Variants in NEDD9 observed in about 807,000 individuals in gnomAD.
NEDD9 encodes enhancer of filamentation 1.
NEDD9 carries 26 observed loss-of-function variants against 76.6 expected under a neutral mutation model. The ratio of observed to expected loss-of-function variants is 0.34; its 90% CI spans 0.25 to 0.47. The LOEUF (loss-of-function observed/expected upper bound fraction) is 0.47, where lower values mean the gene tolerates loss of function less well. Ranked by LOEUF, NEDD9 falls within the 20% of genes least tolerant of loss-of-function variation. The pLI is 1.00. For synonymous variants in NEDD9, 392 were observed against 414.2 expected (o/e 0.95, Z 0.65); for missense variants, 937 against 1,058.5 (o/e 0.89, Z 1.59).
chr6:11,374,494 AT>A (rs747105549), intron 1 of NEDD9, among the ~76,000 whole-genome samples: 6 of 152,198 alleles, frequency 3.9e-5, no homozygotes, highest in South Asian at 2.1e-4. Context: ...CTTCCTCTAA[AT>A]ATTTCCACTC....
At chr6:11,200,731 A>G (rs1238134273) in intron 2 of NEDD9, 74 of 1,351,948 alleles carry the variant, frequency 5.5e-5, no homozygotes, top group Non-Finnish European at 6.6e-5. Context: ...GCAAATGGTA[A>G]GAGACAGTGG....
At position 11,289,961 on chromosome 6, in the gene NEDD9, A is replaced by G. The variant is rs1467500152; in HGVS notation, c.12+16031T>C. On this transcript the variant is annotated intron_variant, in intron 3 of 3. Transcript: ENST00000397378. ...CAGGCAAAAAATCCTATAGATATATAACCTCTGTAATGGTAAAGTCAGAGT... is the reference window on the plus strand; with the variant it reads ...CAGGCAAAAAATCCTATAGATATATGACCTCTGTAATGGTAAAGTCAGAGT... 2.0e-5 allele frequency among the ~76,000 whole-genome samples: 3 copies of G among 152,234 alleles called. 1 individual carries two copies. Among genetic ancestry groups the G allele is most frequent in the African/African-American group, 7.2e-5 (3 of 41,456 alleles).
chr6:11,339,422 C>T (rs570776198), intron 1 of NEDD9, among the ~76,000 whole-genome samples: 19 of 152,298 alleles, frequency 1.2e-4, no homozygotes, highest in African/African-American at 4.6e-4. Context: ...CTCTCTCCCT[C>T]ATTAAATAAA....
intron 1 of NEDD9, among the ~76,000 whole-genome samples, chr6:11,218,299 C>T (rs1277557533): frequency 6.6e-6 from 1 of 151,760 alleles, no homozygotes; most frequent in Non-Finnish European, 1.5e-5. Context: ...CCATCTGGGG[C>T]CCTGCTTTCC....
intron 3 of NEDD9, among the ~76,000 whole-genome samples, chr6:11,279,613 GTCT>G (rs1018433915): frequency 1.2e-4 from 18 of 152,140 alleles, no homozygotes; most frequent in Admixed American, 2.6e-4. Context: ...CTCGTGGCTG[GTCT>G]TCTTGTTTAC....
At chr6:11,322,592 A>G (rs1344834485) in intron 2 of NEDD9, among the ~76,000 whole-genome samples, 3 of 152,094 alleles carry the variant, frequency 2.0e-5, no homozygotes, top group African/African-American at 7.2e-5. Flanking sequence ...GAGTGCTTTC[A>G]ATCTCTCTCA....
intron 2 of NEDD9, among the ~76,000 whole-genome samples, chr6:11,323,946 G>A (rs768076631): frequency 2.0e-5 from 3 of 152,182 alleles, no homozygotes; most frequent in Non-Finnish European, 4.4e-5. Context: ...ACAGGGCAGC[G>A]GGGAGGTTGC....
At chr6:11,214,372 T>C (rs1236558432) in intron 1 of NEDD9, among the ~76,000 whole-genome samples, 1 of 152,248 alleles carries the variant, frequency 6.6e-6, no homozygotes, top group East Asian at 1.9e-4. Flanking sequence ...CATCTCCAGC[T>C]TTGACAACAA....
intron 1 of NEDD9, among the ~76,000 whole-genome samples, chr6:11,230,963 CATTTATACTTTCCAATA>C (rs1333748152): frequency 5.9e-5 from 9 of 152,138 alleles, no homozygotes; most frequent in African/African-American, 2.2e-4. Flanking sequence ...TAATTTCAGC[CATTTATACTTTCCAATA>C]ATAGACATAT....
chr6:11,312,490 A>T (rs1357667266), intron 2 of NEDD9, among the ~76,000 whole-genome samples: 2 of 152,068 alleles, frequency 1.3e-5, no homozygotes, highest in East Asian at 3.9e-4. Context: ...GGATTACTGC[A>T]TTGGCCCTTG....
chr6:11,213,451 G>C lies in NEDD9; in HGVS notation c.289C>G (p.Pro97Ala), dbSNP rs755333349. The change falls in exon 2 of 7, where the codon CCA (proline) becomes GCA (alanine). Residue 97 changes from proline to alanine, a missense_variant. Pro to Ala is a conservative substitution (Grantham distance 27, BLOSUM62 -1). Transcript: ENST00000379446. This position sits in a 1 kb window ranked among gnomAD's most constrained non-coding sequence, Gnocchi z 5.4. ...ATGGTGTCTCGGGGAGCAGCCTGTG[G>C]GTTTGGCACTTGATAGAGCTTCTGT... ...GQQKLYQVPN[P>A]QAAPRDTIYQ... 3 of 1,613,964 alleles carry C rather than the reference G, an allele frequency of 1.9e-6. No individual in the cohort carries two copies. The highest frequency in any genetic ancestry group is 2.5e-6 in the Non-Finnish European group (3 of 1,180,042).
chr6:11,275,013 T>G (rs898817753), intron 3 of NEDD9, among the ~76,000 whole-genome samples: 1 of 152,164 alleles, frequency 6.6e-6, no homozygotes, highest in African/African-American at 2.4e-5. Context: ...AATGAATAAA[T>G]GTAGATGAAT....
At chr6:11,294,324 T>G (rs998045369) in intron 3 of NEDD9, among the ~76,000 whole-genome samples, 1 of 152,188 alleles carries the variant, frequency 6.6e-6, no homozygotes, top group African/African-American at 2.4e-5. Context: ...CATGTTGAAT[T>G]GTGATCTTCA....
chr6:11,250,906 C>T (rs370059352), intron 3 of NEDD9, among the ~76,000 whole-genome samples: 8 of 152,306 alleles, frequency 5.3e-5, no homozygotes, highest in African/African-American at 1.7e-4. Context: ...TTCCTTACTA[C>T]CTTTAATTAT....
chr6:11,199,422 A>G (rs1758371869), intron 2 of NEDD9: 1 of 152,236 alleles, frequency 6.6e-6, no homozygotes, highest in Non-Finnish European at 1.5e-5. Flanking sequence ...TACTTCCCTC[A>G]TAGGCTATAT....
rs1340885962 is a variant in NEDD9, at chr6:11,257,810, T to TGTGTGTGTGTGTGTGTGC, written c.13-44084_13-44083insGCACACACACACACACAC. Among the ~76,000 whole-genome samples the TGTGTGTGTGTGTGTGTGC allele has an allele frequency of 2.9e-3, 434 of 151,362 alleles. 3 individuals are homozygous for TGTGTGTGTGTGTGTGTGC. The highest frequency in any genetic ancestry group is 1.0e-2 in the African/African-American group (408 of 40,998). ...GTGTGTGTGTGTGTGTGTGTGTGTGTGCAGTACGGCATCAAAGGTTATCTT... is the reference window on the plus strand; with the variant it reads ...GTGTGTGTGTGTGTGTGTGTGTGTGTGTGTGTGTGTGTGTGTGCGCAGTACGGCATCAAAGGTTATCTT... On this transcript the variant is annotated intron_variant, in intron 3 of 3. Transcript: ENST00000397378.
At chr6:11,229,721 T>C (rs1446960389) in intron 1 of NEDD9, among the ~76,000 whole-genome samples, 3 of 152,148 alleles carry the variant, frequency 2.0e-5, no homozygotes, top group Non-Finnish European at 4.4e-5. Context: ...ATTAAGTACG[T>C]ATGACAGTGA....
At chr6:11,276,268 AATT>A (rs1198321073) in intron 3 of NEDD9, among the ~76,000 whole-genome samples, 1 of 152,228 alleles carries the variant, frequency 6.6e-6, no homozygotes, top group Admixed American at 6.5e-5. Flanking sequence ...AATGCAAGTT[AATT>A]ATTATTATTT....
intron 3 of NEDD9, among the ~76,000 whole-genome samples, chr6:11,192,723 A>G (rs1758182523): frequency 6.7e-6 from 1 of 149,560 alleles, no homozygotes; most frequent in African/African-American, 2.5e-5. Flanking sequence ...TCACAAGGTC[A>G]AGAAATCGAG....
Sources: gnomAD v4.1 joint callset for allele counts (sites outside exome capture counted in the v4.1 genomes callset) on GRCh38, gnomAD v4.1.1 for gene constraint, Gnocchi (gnomAD v3.1) non-coding constraint, MANE v1.5 for transcripts, NCBI Gene and HGNC (gene_info 2026-07-23, HGNC 2026-07-21) for gene names.